TMEM161A: variants seen among roughly 807,000 people sequenced by gnomAD.
The protein encoded by TMEM161A is adaptive response to oxidative stress protein 29.
A neutral mutation model predicts 57.1 loss-of-function variants in TMEM161A; 46 were observed. The ratio of observed to expected loss-of-function variants is 0.81; its 90% CI spans 0.64 to 1.03. TMEM161A has a LOEUF of 1.03. Ranked by LOEUF, TMEM161A falls within the 50% of genes least tolerant of loss-of-function variation. The pLI is 0.00. For missense variants in TMEM161A, 601 were observed against 621.5 expected, an observed-to-expected ratio of 0.97 and a Z score of 0.35; for synonymous variants, 288 against 279.0, an observed-to-expected ratio of 1.03 and a Z score of -0.32.
chr19:19,131,884 C>T (rs1211024858), intron 5 of TMEM161A, among the ~76,000 whole-genome samples: 1 of 152,166 alleles, frequency 6.6e-6, no homozygotes, highest in East Asian at 1.9e-4. Flanking sequence ...TGGTCTTGAA[C>T]TCCAGACCTC....
chr19:19,119,351 G>C lies in TMEM161A; in HGVS notation c.*579C>G. 1 of 154,278 alleles carries C rather than the reference G, an allele frequency of 6.5e-6. No homozygotes were observed. The highest frequency in any genetic ancestry group is 1.4e-5 in the Non-Finnish European group (1 of 69,364). The allele number at this position is 154,278 out of a possible 1,614,324, so 9.6% of individuals were successfully genotyped here. Reference sequence around the variant, plus strand: ...TAAAGACTGGGTTTCACCATGCGTTGACCAGGCTGGTCTCAAACTGCTGGC... The same window carrying C: ...TAAAGACTGGGTTTCACCATGCGTTCACCAGGCTGGTCTCAAACTGCTGGC... On this transcript the variant is annotated 3_prime_UTR_variant, in exon 12 of 12. Coordinates refer to ENST00000162044, the MANE Select transcript of TMEM161A (RefSeq NM_017814.3).
intron 6 of TMEM161A, among the ~76,000 whole-genome samples, chr19:19,123,273 G>T (rs2059918427): frequency 6.6e-6 from 1 of 152,234 alleles, no homozygotes; most frequent in African/African-American, 2.4e-5. Flanking sequence ...GGAATTACTG[G>T]AAGAGAATGG....
intron 6 of TMEM161A, among the ~76,000 whole-genome samples, chr19:19,122,766 CAAAA>C (rs1172853044): frequency 8.5e-6 from 1 of 117,946 alleles, no homozygotes. Flanking sequence ...AAGACCTTGT[CAAAA>C]AAAAAAAAAA....
rs1172314597 is a variant in TMEM161A, at chr19:19,121,121, CACCAGCA to C, written c.953_959del (p.Leu318TrpfsTer10). Reference sequence around the variant, plus strand: ...CCGCCAGCCGCAGCAGGCACAGCACCACCAGCAACCAGAGGCGCCCAGAGTCGAAGGC... The same window carrying C: ...CCGCCAGCCGCAGCAGGCACAGCACCACCAGAGGCGCCCAGAGTCGAAGGC... On this transcript the variant is annotated frameshift_variant, in exon 10 of 12. Coordinates refer to ENST00000162044, the MANE Select transcript of TMEM161A (RefSeq NM_017814.3). LOFTEE classifies it high-confidence loss of function. This position sits in a 1 kb window ranked among gnomAD's most constrained non-coding sequence, Gnocchi z 5.8. 3 of 1,611,166 alleles carry C rather than the reference CACCAGCA, an allele frequency of 1.9e-6. No individual in the cohort carries two copies. The South Asian group carries it at 3.3e-5, about 18-fold the overall frequency.
intron 6 of TMEM161A, among the ~76,000 whole-genome samples, chr19:19,129,634 A>C (rs1339665448): frequency 6.6e-6 from 1 of 152,176 alleles, no homozygotes; most frequent in African/African-American, 2.4e-5. Flanking sequence ...GAGGCCACAC[A>C]CAGTGGCTCA....
chr19:19,127,710 G>C (rs1033945468), intron 6 of TMEM161A, among the ~76,000 whole-genome samples: 1 of 151,724 alleles, frequency 6.6e-6, no homozygotes, highest in East Asian at 2.0e-4. Context: ...TGAGAGGACT[G>C]CTCGAGGCCA....
chr19:19,123,499 A>G (rs975834651), intron 6 of TMEM161A, among the ~76,000 whole-genome samples: 1 of 152,212 alleles, frequency 6.6e-6, no homozygotes, highest in Non-Finnish European at 1.5e-5. Context: ...AACAAATAGA[A>G]AGCAAAAAAG....
At position 19,132,894 on chromosome 19, in the gene TMEM161A, C is replaced by T. The variant is rs1310185760; in HGVS notation, c.189-140G>A. On this transcript the variant is annotated intron_variant, in intron 3 of 11. Coordinates refer to ENST00000162044, the MANE Select transcript of TMEM161A (RefSeq NM_017814.3). The surrounding 1 kb of genome is among the most constrained non-coding windows in gnomAD (Gnocchi z 4.3). ...CCTCTGCACACTGGGATATGGGGAT[C>T]CCCCCACCCACCCACAGGACTGGCT... is the stretch of plus-strand genomic sequence containing the variant. 7.8e-6 allele frequency: 6 copies of T among 771,212 alleles called. No individual in the cohort carries two copies. The highest frequency in any genetic ancestry group is 3.9e-5 in the South Asian group (2 of 51,946). The allele number at this position is 771,212 out of a possible 1,614,324, so 47.8% of individuals were successfully genotyped here. A position where few individuals can be genotyped will look rare whatever the true frequency, so the allele number is the denominator to read the frequency against.
intron 11 of TMEM161A, 145 bp from the exon 12 acceptor site, chr19:19,120,328 C>T (rs912314319): frequency 1.5e-5 from 11 of 753,672 alleles, no homozygotes; most frequent in Non-Finnish European, 2.3e-5. Context: ...TCCACCCCCT[C>T]AGGCGCTGCC....
chr19:19,137,418 G>A (rs1295993622), intron 1 of TMEM161A, among the ~76,000 whole-genome samples: 1 of 151,934 alleles, frequency 6.6e-6, no homozygotes, highest in Non-Finnish European at 1.5e-5. Context: ...GGGATGTTCT[G>A]ATGGCCCTGC....
intron 2 of TMEM161A, among the ~76,000 whole-genome samples, chr19:19,133,768 G>A (rs10420151): frequency 0.022 from 3,292 of 152,080 alleles, 114 homozygotes; most frequent in African/African-American, 0.074. Flanking sequence ...CACCTCGCCC[G>A]GCCTTTGTTT....
chr19:19,128,018 G>A lies in TMEM161A; in HGVS notation c.595+2138C>T, dbSNP rs548522178. ...ACATTGTGCTAACTGAAATGAGCAC[G>A]TCACAAAAGGACAAATACTGTATGA... On this transcript the variant is annotated intron_variant, in intron 6 of 11. Coordinates refer to ENST00000162044, the MANE Select transcript of TMEM161A (RefSeq NM_017814.3). 1.4e-4 allele frequency among the ~76,000 whole-genome samples: 21 copies of A among 152,242 alleles called. No homozygotes were observed. The East Asian group carries it at 1.7e-3, about 13-fold the overall frequency.
At chr19:19,127,982 A>G (rs2059939253) in intron 6 of TMEM161A, among the ~76,000 whole-genome samples, 1 of 152,146 alleles carries the variant, frequency 6.6e-6, no homozygotes, top group Non-Finnish European at 1.5e-5. Context: ...CAACATGGAT[A>G]TGCCTTGAGG....
chr19:19,136,520 G>T (rs2059985264), intron 1 of TMEM161A, among the ~76,000 whole-genome samples: 1 of 152,082 alleles, frequency 6.6e-6, no homozygotes, highest in African/African-American at 2.4e-5. Context: ...GCCAGACATG[G>T]TGGTGGGCGC....
rs748959531 is a variant in TMEM161A at position 19,121,059 on chromosome 19, G to A, written c.1022C>T (p.Ala341Val). 8.1e-6 allele frequency: 13 copies of A among 1,611,876 alleles called. No homozygotes were observed. In the African/African-American group the frequency reaches 1.7e-4, roughly 22 times the overall value. The change falls in exon 10 of 12, where the codon GCC becomes GTC. Residue 341 changes from alanine to valine, a missense_variant. Coordinates refer to ENST00000162044, the MANE Select transcript of TMEM161A (RefSeq NM_017814.3). This position sits in a 1 kb window ranked among gnomAD's most constrained non-coding sequence, Gnocchi z 5.8. Reference sequence around the variant, plus strand: ...TCGCAGCTGCTCCACCCGGGCCTTGGCCAGGCACAGGTAGGCCTGCAGGTG... The same window carrying A: ...TCGCAGCTGCTCCACCCGGGCCTTGACCAGGCACAGGTAGGCCTGCAGGTG... ...RPHLQAYLCL[A>V]KARVEQLRRE...
rs200744015 is a variant in TMEM161A, at chr19:19,121,300, A to G, written c.914+8T>C. On this transcript the variant is annotated splice_region_variant and intron_variant, in intron 9 of 11. Coordinates refer to ENST00000162044, the MANE Select transcript of TMEM161A (RefSeq NM_017814.3). This position sits in a 1 kb window ranked among gnomAD's most constrained non-coding sequence, Gnocchi z 5.8. ...CCCAGCTACCTCCTAGCCCCACCCA[A>G]TACGCACAGGGAGAAACGCGTCTCC... 6,272 of 1,557,742 alleles carry G rather than the reference A, an allele frequency of 4.0e-3. 17 individuals are homozygous for G. Among genetic ancestry groups the G allele is most frequent in the Non-Finnish European group, 4.5e-3 (5,214 of 1,150,368 alleles).
At chr19:19,133,368 C>T (rs910517283) in intron 2 of TMEM161A, 158 bp from the exon 3 acceptor site, 14 of 647,486 alleles carry the variant, frequency 2.2e-5, no homozygotes, top group Admixed American at 5.6e-5. Context: ...CTGGGGAAAT[C>T]GTGAGACCAA....
At position 19,121,449 on chromosome 19, in the gene TMEM161A, G is replaced by A. The variant is rs1466396372; in HGVS notation, c.801-28C>T. On this transcript the variant is annotated intron_variant, in intron 8 of 11. Transcript: ENST00000162044. This position sits in a 1 kb window ranked among gnomAD's most constrained non-coding sequence, Gnocchi z 5.8. ...GGGGGGTGAGGGCAGGAGGGAGTGA[G>A]GCCTGGGTACCCCCTCTCCTCGAGT... The A allele has an allele frequency of 1.2e-6, 2 of 1,613,722 alleles. No individual in the cohort carries two copies. Among genetic ancestry groups the A allele is most frequent in the Non-Finnish European group, 1.7e-6 (2 of 1,179,674 alleles).
chr19:19,119,670 C>A lies in TMEM161A; in HGVS notation c.*260G>T. 2 of 535,676 alleles carry A rather than the reference C, an allele frequency of 3.7e-6. No individual in the cohort carries two copies. Among genetic ancestry groups the A allele is most frequent in the Non-Finnish European group, 6.7e-6 (2 of 297,752 alleles). The allele number at this position is 535,676 out of a possible 1,614,324, so 33.2% of individuals were successfully genotyped here. On this transcript the variant is annotated 3_prime_UTR_variant, in exon 12 of 12. Coordinates refer to ENST00000162044, the MANE Select transcript of TMEM161A (RefSeq NM_017814.3). The stretch of plus-strand genomic sequence containing the variant: ...TGTTCAGAAGAGCAGCCAGCATCAC[C>A]CTTGCCACTCAAACCTGGCACATAC...
Sources: allele counts gnomAD v4.1 joint callset (sites outside exome capture counted in the v4.1 genomes callset), GRCh38; gene constraint gnomAD v4.1.1; non-coding constraint Gnocchi (gnomAD v3.1); transcripts MANE v1.5; gene names NCBI Gene and HGNC (gene_info 2026-07-23, HGNC 2026-07-21).